NDE1: variants seen among roughly 807,000 people sequenced by gnomAD.
NDE1 encodes the protein nudE neurodevelopment protein 1.
In NDE1, 28 loss-of-function variants were observed where a neutral mutation model predicts 43.4. That is an observed-to-expected ratio of 0.65 (90% CI 0.48 to 0.89). NDE1 has a LOEUF of 0.89. Among genes scored for constraint, NDE1 ranks in the 40% least tolerant of loss-of-function variants. NDE1 has a pLI of 0.00. For synonymous variants in NDE1, 184 were observed against 172.0 expected (o/e 1.07, Z -0.55); for missense variants, 441 against 434.1 (o/e 1.02, Z -0.14).
At chr16:15,713,755 G>A (rs2039955816) in intron 8 of NDE1, 1 of 152,330 alleles carries the variant, frequency 6.6e-6, no homozygotes, top group Non-Finnish European at 1.5e-5. Context: ...AAAGTGCTGG[G>A]ATTATAGGTG....
chr16:15,724,852 C>T lies in NDE1; in HGVS notation c.*601C>T. ...GGGACCTGCCCCGAGGAAGGCCACC[C>T]CCCAGGTCCCCTGGATGATGTGGCA... On this transcript the variant is annotated 3_prime_UTR_variant, in exon 9 of 9. Transcript: ENST00000396354. The T allele has an allele frequency of 6.2e-7, 1 of 1,613,760 alleles. No individual in the cohort carries two copies. Among genetic ancestry groups the T allele is most frequent in the Non-Finnish European group, 8.5e-7 (1 of 1,179,934 alleles).
upstream of NDE1, among the ~76,000 whole-genome samples, chr16:15,648,074 A>G (rs1318243606): frequency 1.3e-5 from 2 of 150,778 alleles, no homozygotes; most frequent in Non-Finnish European, 3.0e-5. Context: ...ATATATTTTT[A>G]GTTTTTATGG....
chr16:15,643,389 G>T, exon 1 of NDE1: 1 of 493,744 alleles, frequency 2.0e-6, no homozygotes, highest in East Asian at 6.6e-5. Flanking sequence ...CCCAGTTTAA[G>T]GAGGCCTTCC....
chr16:15,704,463 AG>A (rs1223630291), intron 8 of NDE1, among the ~76,000 whole-genome samples: 1 of 152,232 alleles, frequency 6.6e-6, no homozygotes, highest in African/African-American at 2.4e-5. Flanking sequence ...TCTTTGATTT[AG>A]AATAGGAAAA....
At chr16:15,711,944 T>C (rs1210645346) in intron 8 of NDE1, among the ~76,000 whole-genome samples, 2 of 152,200 alleles carry the variant, frequency 1.3e-5, no homozygotes, top group African/African-American at 4.8e-5. Flanking sequence ...CAGCCTGCGT[T>C]GGCCTCCCAA....
At chr16:15,686,602 CAA>C (rs1441545009) in intron 4 of NDE1, 2 of 953,012 alleles carry the variant, frequency 2.1e-6, no homozygotes, top group Admixed American at 1.2e-4. Flanking sequence ...CTCTTGAGCC[CAA>C]GAGTTTGAGA....
chr16:15,717,400 C>G (rs761304474), intron 8 of NDE1: 8 of 1,579,070 alleles, frequency 5.1e-6, no homozygotes, highest in African/African-American at 1.3e-5. Context: ...CCCAAGAGAG[C>G]GCACTGAGAC....
intron 7 of NDE1, chr16:15,694,464 G>C: frequency 2.2e-6 from 3 of 1,346,326 alleles, no homozygotes; most frequent in Non-Finnish European, 3.0e-6. Flanking sequence ...TCTCACCTTA[G>C]CTTCCCGAGG....
At chr16:15,690,184 A>G (rs1443987443) in intron 5 of NDE1, among the ~76,000 whole-genome samples, 1 of 151,732 alleles carries the variant, frequency 6.6e-6, no homozygotes, top group Non-Finnish European at 1.5e-5. Context: ...AGCTGGGACT[A>G]CAGGCGCTCA....
intron 8 of NDE1, chr16:15,697,066 T>A: frequency 6.7e-7 from 1 of 1,483,624 alleles, no homozygotes; most frequent in East Asian, 2.5e-5. Context: ...TCTTGTTTTG[T>A]GAGACAGGGT....
intron 1 of NDE1, among the ~76,000 whole-genome samples, chr16:15,653,205 G>A (rs981328246): frequency 2.0e-5 from 3 of 152,108 alleles, no homozygotes; most frequent in Admixed American, 6.5e-5. Context: ...CAACTGCATC[G>A]TTTTCCATTC....
At chr16:15,717,602 C>T (rs1391113839) in intron 8 of NDE1, 1 of 582,718 alleles carries the variant, frequency 1.7e-6, no homozygotes, top group African/African-American at 1.9e-5. Context: ...CGAGACCTGC[C>T]TGGCCAACAT....
intron 3 of NDE1, among the ~76,000 whole-genome samples, chr16:15,670,903 G>A (rs527447579): frequency 1.3e-5 from 2 of 152,208 alleles, no homozygotes; most frequent in South Asian, 4.1e-4. Context: ...TTTGGGGCAG[G>A]GCGGAGGAGA....
intron 7 of NDE1, among the ~76,000 whole-genome samples, chr16:15,695,203 C>CTTTTTTTTTTTTTTTT (rs71134451): frequency 3.3e-4 from 26 of 79,688 alleles, no homozygotes; most frequent in African/African-American, 9.9e-4. Flanking sequence ...AAACTGCCAC[C>CTTTTTTTTTTTTTTTT]TTTTTTTTTT....
At chr16:15,687,824 G>C (rs1360105801) in intron 5 of NDE1, among the ~76,000 whole-genome samples, 1 of 152,238 alleles carries the variant, frequency 6.6e-6, no homozygotes, top group East Asian at 1.9e-4. Flanking sequence ...TTTCCAGAAA[G>C]ATGCTTCCTG....
At chr16:15,680,998 T>C (rs746123706) in intron 4 of NDE1, among the ~76,000 whole-genome samples, 10 of 151,994 alleles carry the variant, frequency 6.6e-5, no homozygotes, top group Non-Finnish European at 8.8e-5. Flanking sequence ...TTTTTCATTT[T>C]TAGGTCATCA....
chr16:15,666,887 G>C (rs1039717034), intron 2 of NDE1, among the ~76,000 whole-genome samples: 4 of 152,168 alleles, frequency 2.6e-5, no homozygotes, highest in African/African-American at 4.8e-5. Flanking sequence ...ACTGTACCCA[G>C]CCCTTCCTAC....
intron 1 of NDE1, 23 bp from the exon 2 acceptor site, chr16:15,664,713 C>T (rs2037214423): frequency 1.6e-6 from 2 of 1,213,434 alleles, no homozygotes; most frequent in Non-Finnish European, 1.2e-6. Context: ...TGTGGGTAAT[C>T]ATTTTGAAAC....
chr16:15,644,848 C>T (rs2036283967), intron 1 of NDE1, among the ~76,000 whole-genome samples: 1 of 150,886 alleles, frequency 6.6e-6, no homozygotes, highest in African/African-American at 2.4e-5. Context: ...TTGTAGGTTT[C>T]TAATTGCTTT....
Sources: allele counts gnomAD v4.1 joint callset (sites outside exome capture counted in the v4.1 genomes callset), GRCh38; gene constraint gnomAD v4.1.1; transcripts MANE v1.5; gene names NCBI Gene and HGNC (gene_info 2026-07-23, HGNC 2026-07-21).